The following VPS13B variants were observed in gnomAD, a reference collection of about 807,000 sequenced individuals.
VPS13B encodes the protein vacuolar protein sorting 13 homolog B, also known as intermembrane lipid transfer protein VPS13B.
In VPS13B, 285 loss-of-function variants were observed where a neutral mutation model predicts 426.4. That is an observed-to-expected ratio of 0.67 (90% confidence interval 0.61 to 0.74). VPS13B has a LOEUF of 0.74. Ranked by LOEUF, VPS13B falls within the 30% of genes least tolerant of loss-of-function variation. VPS13B has a pLI of 0.00. For synonymous variants in VPS13B, 1,676 were observed against 1,676.4 expected (o/e 1.00, Z 0.01); for missense variants, 4,537 against 4,782.6 (o/e 0.95, Z 1.51).
rs778377773 is a variant in VPS13B at position 99,859,448 on chromosome 8, G to A, written c.11012G>A (p.Gly3671Glu). 1 of 1,614,046 alleles carries A rather than the reference G, an allele frequency of 6.2e-7. No individual in the cohort carries two copies. The highest frequency in any genetic ancestry group is 2.2e-5 in the East Asian group (1 of 44,878). The change falls in exon 57 of 62, where the codon GGG becomes GAG. Residue 3671 changes from glycine (G) to glutamate (E), a missense_variant. Around this residue, in one of 2 missense-constraint regions of VPS13B, gnomAD observed 4,311 missense variants for 4,474.3 expected, o/e 0.96. Transcript: ENST00000357162. ...GCCTTCGTGAGTGGCGTCTCCAGAG[G>A]GACCACATCGTTTGTAAAGCACATC... ...PGAFVSGVSRGTTSFVKHISK... is the reference protein window; with the variant it reads ...PGAFVSGVSRETTSFVKHISK...
chr8:99,587,555 G>A (rs1467821492), intron 33 of VPS13B, among the ~76,000 whole-genome samples: 1 of 151,652 alleles, frequency 6.6e-6, no homozygotes, highest in African/African-American at 2.4e-5. Context: ...GTTTTGATTT[G>A]CATTTCTTTG....
At chr8:99,324,541 C>T (rs1810141086) in intron 19 of VPS13B, among the ~76,000 whole-genome samples, 1 of 152,132 alleles carries the variant, frequency 6.6e-6, no homozygotes, top group Admixed American at 6.6e-5. Flanking sequence ...TAGATTGTAT[C>T]AAAGCAGCTC....
At chr8:99,701,705 T>C (rs1832289283) in intron 36 of VPS13B, among the ~76,000 whole-genome samples, 2 of 152,202 alleles carry the variant, frequency 1.3e-5, no homozygotes, top group Admixed American at 6.5e-5. Flanking sequence ...GCAAATGTTT[T>C]AAAATAATTA....
chr8:99,354,137 T>G (rs1254651181), intron 19 of VPS13B, among the ~76,000 whole-genome samples: 2 of 151,990 alleles, frequency 1.3e-5, no homozygotes, highest in Non-Finnish European at 2.9e-5. Flanking sequence ...ATTTGCTTTC[T>G]GAGACTTGGA....
chr8:99,854,230 A>G lies in VPS13B; in HGVS notation c.10841A>G (p.Tyr3614Cys), dbSNP rs1215467176. Residue 3614 changes from tyrosine (Y) to cysteine (C), a missense_variant, in exon 56 of 62, where the codon TAT (tyrosine) becomes TGT (cysteine). Tyr to Cys is a radical substitution (Grantham distance 194). Around this residue, in one of 2 missense-constraint regions of VPS13B, gnomAD observed 4,311 missense variants for 4,474.3 expected, o/e 0.96. Coordinates refer to ENST00000357162, the MANE Select transcript of VPS13B (RefSeq NM_152564.5). Reference protein sequence around the residue: ...RQLVHALAMHYAAGALFRAGW... With the variant: ...RQLVHALAMHCAAGALFRAGW... ...CTTGTGCACGCCCTGGCAATGCACT[A>G]TGCCGCTGGGGCCCTTTTTAGAGCA... 4 of 1,614,060 alleles carry G rather than the reference A, an allele frequency of 2.5e-6. No individual in the cohort carries two copies. The highest frequency in any genetic ancestry group is 1.7e-4 in the Middle Eastern group (1 of 6,060).
chr8:99,817,797 C>A lies in VPS13B; in HGVS notation c.8355C>A (p.Val2785=). 1 of 1,614,048 alleles carries A rather than the reference C, an allele frequency of 6.2e-7. No individual in the cohort carries two copies. The highest frequency in any genetic ancestry group is 1.1e-5 in the South Asian group (1 of 91,064). Residue 2785 remains valine, a synonymous_variant, in exon 45 of 62, where the codon GTC becomes GTA. Coordinates refer to ENST00000357162, the MANE Select transcript of VPS13B (RefSeq NM_152564.5). ...CCAAAGCCCCTGAGTACAGCATTGTCATTCAGGTTTGAAAAGACGTTCAAT... is the reference window on the plus strand; with the variant it reads ...CCAAAGCCCCTGAGTACAGCATTGTAATTCAGGTTTGAAAAGACGTTCAAT... The part of the protein sequence containing the change: ...LESKAPEYSI[V]IQVPSSNSSI...
intron 17 of VPS13B, among the ~76,000 whole-genome samples, chr8:99,203,721 A>G (rs372148399): frequency 1.8e-4 from 28 of 152,236 alleles, no homozygotes; most frequent in African/African-American, 6.3e-4. Context: ...CACCAATAAT[A>G]GACAAACAGC....
intron 21 of VPS13B, among the ~76,000 whole-genome samples, chr8:99,418,315 C>G (rs1816150121): frequency 6.6e-6 from 1 of 151,838 alleles, no homozygotes; most frequent in Admixed American, 6.6e-5. Flanking sequence ...GCTACATTTT[C>G]TGATTTTTCT....
chr8:99,624,557 A>G (rs903027300), intron 33 of VPS13B, among the ~76,000 whole-genome samples: 2 of 152,194 alleles, frequency 1.3e-5, no homozygotes, highest in Non-Finnish European at 2.9e-5. Context: ...TGTGAACTAC[A>G]TTATCAAAAT....
intron 3 of VPS13B, among the ~76,000 whole-genome samples, chr8:99,081,431 T>C (rs1046108814): frequency 2.0e-5 from 3 of 150,724 alleles, no homozygotes; most frequent in Admixed American, 6.6e-5. Context: ...CAAAGATTAC[T>C]TTTTTTATTA....
chr8:99,195,717 C>A (rs1170679750), intron 17 of VPS13B, among the ~76,000 whole-genome samples: 1 of 152,080 alleles, frequency 6.6e-6, no homozygotes. Context: ...GTCTTTAATC[C>A]CTTCTGAATT....
chr8:99,397,228 C>T (rs1011860739), intron 21 of VPS13B, among the ~76,000 whole-genome samples: 46 of 152,268 alleles, frequency 3.0e-4, no homozygotes, highest in African/African-American at 1.1e-3. Context: ...TCACTGCAAC[C>T]TCCACCTCCT....
At chr8:99,411,543 C>T (rs954434144) in intron 21 of VPS13B, among the ~76,000 whole-genome samples, 20 of 152,300 alleles carry the variant, frequency 1.3e-4, no homozygotes, top group African/African-American at 4.8e-4. Context: ...GTTTCTTTTG[C>T]TGTGCAGAAG....
chr8:99,533,969 T>C (rs1223884730), intron 30 of VPS13B, among the ~76,000 whole-genome samples: 2 of 152,192 alleles, frequency 1.3e-5, no homozygotes, highest in African/African-American at 4.8e-5. Flanking sequence ...AAAATAACCT[T>C]TGTTTTGGTT....
At chr8:99,825,688 C>A (rs1016090906) in intron 51 of VPS13B, among the ~76,000 whole-genome samples, 2 of 151,978 alleles carry the variant, frequency 1.3e-5, no homozygotes, top group Non-Finnish European at 2.9e-5. Context: ...TTCTTCTAGG[C>A]TTTTTATGGT....
At chr8:99,751,587 A>G (rs1284051050) in intron 39 of VPS13B, among the ~76,000 whole-genome samples, 30 of 150,690 alleles carry the variant, frequency 2.0e-4, no homozygotes, top group Non-Finnish European at 1.0e-4. Context: ...TACACTTATC[A>G]TGGAAACATT....
At chr8:99,579,644 C>T (rs1438007751) in intron 33 of VPS13B, among the ~76,000 whole-genome samples, 1 of 151,994 alleles carries the variant, frequency 6.6e-6, no homozygotes, top group Admixed American at 6.6e-5. Context: ...GTGATCTGCC[C>T]TCCTTGGCCT....
At chr8:99,019,593 C>T (rs539279245) in intron 2 of VPS13B, among the ~76,000 whole-genome samples, 13 of 152,278 alleles carry the variant, frequency 8.5e-5, no homozygotes, top group East Asian at 5.8e-4. Flanking sequence ...AGAATATTTT[C>T]GTCTTCCCAA....
chr8:99,179,114 T>C (rs1046409243), intron 16 of VPS13B, among the ~76,000 whole-genome samples: 1 of 152,188 alleles, frequency 6.6e-6, no homozygotes, highest in African/African-American at 2.4e-5. Context: ...AGTCATTTAT[T>C]CATTAAAAAA....
Sources: gnomAD v4.1 joint callset for allele counts (sites outside exome capture counted in the v4.1 genomes callset) on GRCh38, gnomAD v4.1.1 for gene constraint, gnomAD v4.1.1 regional missense constraint, MANE v1.5 for transcripts, NCBI Gene and HGNC (gene_info 2026-07-23, HGNC 2026-07-21) for gene names.